The following HMCN1 variants were observed in gnomAD, a reference collection of about 807,000 sequenced individuals.
HMCN1 encodes hemicentin-1.
HMCN1 carries 321 observed loss-of-function variants against 625.9 expected under a neutral mutation model. That is an observed-to-expected ratio of 0.51 (90% confidence interval 0.47 to 0.56). The LOEUF (loss-of-function observed/expected upper bound fraction) is 0.56, where lower values mean the gene tolerates loss of function less well. Among genes scored for constraint, HMCN1 ranks in the 20% least tolerant of loss-of-function variants. HMCN1 has a pLI of 0.00. For missense variants in HMCN1, 6,588 were observed against 6,887.3 expected (o/e 0.96, Z 1.54); for synonymous variants, 2,425 against 2,417.6 (o/e 1.00, Z -0.09).
chr1:185,900,870 C>T (rs1665767106), intron 4 of HMCN1, among the ~76,000 whole-genome samples: 1 of 151,678 alleles, frequency 6.6e-6, no homozygotes, highest in Non-Finnish European at 1.5e-5. Flanking sequence ...ATGAAACTTG[C>T]CTAAAACTTG....
At chr1:186,123,431 A>G (rs1035330935) in intron 81 of HMCN1, among the ~76,000 whole-genome samples, 2 of 152,106 alleles carry the variant, frequency 1.3e-5, no homozygotes, top group East Asian at 3.9e-4. Context: ...AGAGAGAAAG[A>G]CAGATTTTAT....
intron 11 of HMCN1, among the ~76,000 whole-genome samples, chr1:185,953,021 GT>G (rs1161615279): frequency 2.6e-5 from 4 of 151,366 alleles, no homozygotes; most frequent in African/African-American, 9.8e-5. Flanking sequence ...GGATTGGGGG[GT>G]TTTTGCCCCC....
chr1:185,868,369 T>G (rs1663404271), intron 4 of HMCN1, among the ~76,000 whole-genome samples: 1 of 152,150 alleles, frequency 6.6e-6, no homozygotes, highest in Admixed American at 6.5e-5. Context: ...CAATCAGTTC[T>G]CATTTTACAT....
intron 4 of HMCN1, among the ~76,000 whole-genome samples, chr1:185,894,169 C>A (rs1326721048): frequency 6.7e-6 from 1 of 148,756 alleles, no homozygotes; most frequent in South Asian, 2.1e-4. Context: ...AAAAACAAAA[C>A]AAAAAAACAG....
intron 65 of HMCN1, 81 bp from the exon 66 acceptor site, chr1:186,093,405 A>C: frequency 1.3e-6 from 2 of 1,579,052 alleles, no homozygotes; most frequent in Non-Finnish European, 1.7e-6. Flanking sequence ...TTGAAATGAG[A>C]GCAATTGTAG....
chr1:186,055,689 G>A lies in HMCN1; in HGVS notation c.7144+15G>A. On this transcript the variant is annotated intron_variant, in intron 45 of 106. Coordinates refer to ENST00000271588, the MANE Select transcript of HMCN1 (RefSeq NM_031935.3). ...AAGTGTCCATGGTAAGTAGAAAGAG[G>A]CTCAATATGTCCATTCACTGGCTAA... The A allele has an allele frequency of 1.2e-6, 2 of 1,611,386 alleles. No homozygotes were observed. The highest frequency in any genetic ancestry group is 8.5e-7 in the Non-Finnish European group (1 of 1,178,088).
intron 102 of HMCN1, among the ~76,000 whole-genome samples, chr1:186,172,519 T>C (rs1248625750): frequency 3.3e-5 from 5 of 152,214 alleles, no homozygotes; most frequent in Non-Finnish European, 7.3e-5. Flanking sequence ...ATTTTGGAGA[T>C]GTATATTCCT....
intron 81 of HMCN1, among the ~76,000 whole-genome samples, chr1:186,125,106 CAT>C (rs1428625838): frequency 1.3e-5 from 2 of 152,012 alleles, no homozygotes; most frequent in Non-Finnish European, 2.9e-5. Flanking sequence ...TTCATTGTAA[CAT>C]GTAAAATACT....
chr1:186,152,637 ATTCAAG>A, intron 95 of HMCN1, 107 bp from the exon 96 acceptor site: 1 of 1,254,190 alleles, frequency 8.0e-7, no homozygotes, highest in East Asian at 2.3e-5. Context: ...ATCTATACTT[ATTCAAG>A]TTTGAACTCA....
intron 5 of HMCN1, among the ~76,000 whole-genome samples, chr1:185,910,934 G>A (rs1052739295): frequency 1.3e-5 from 2 of 152,176 alleles, no homozygotes; most frequent in African/African-American, 4.8e-5. Context: ...GTGAAAAACT[G>A]AACTGTGGCT....
chr1:185,842,401 A>G (rs977822675), intron 1 of HMCN1, among the ~76,000 whole-genome samples: 1 of 152,126 alleles, frequency 6.6e-6, no homozygotes, highest in Non-Finnish European at 1.5e-5. Flanking sequence ...GTCTCCAAAA[A>G]ATATGAAAAA....
intron 77 of HMCN1, among the ~76,000 whole-genome samples, chr1:186,118,361 T>C (rs1013583759): frequency 6.6e-6 from 1 of 152,196 alleles, no homozygotes; most frequent in African/African-American, 2.4e-5. Context: ...GTTCCCAGGA[T>C]GCAACTTGGC....
At chr1:186,139,034 A>G (rs970948930) in intron 89 of HMCN1, among the ~76,000 whole-genome samples, 1 of 152,244 alleles carries the variant, frequency 6.6e-6, no homozygotes, top group African/African-American at 2.4e-5. Context: ...ACTTGAAATG[A>G]TGGAGTACAA....
intron 30 of HMCN1, among the ~76,000 whole-genome samples, chr1:186,012,396 T>G (rs1302864577): frequency 6.6e-6 from 1 of 152,090 alleles, no homozygotes; most frequent in Admixed American, 6.6e-5. Flanking sequence ...CAGGTTTTTT[T>G]TGGTATTTTT....
At chr1:185,948,971 G>A (rs939945156) in intron 11 of HMCN1, among the ~76,000 whole-genome samples, 6 of 151,820 alleles carry the variant, frequency 4.0e-5, no homozygotes, top group African/African-American at 1.5e-4. Flanking sequence ...AGAATGATTG[G>A]TGATGGCCTG....
chr1:186,053,766 A>G, intron 43 of HMCN1, 59 bp from the exon 44 acceptor site: 4 of 1,542,150 alleles, frequency 2.6e-6, no homozygotes, highest in African/African-American at 1.4e-5. Flanking sequence ...ATACTTGGCA[A>G]TGTATACAAA....
In HMCN1 at chr1:186,055,454, G is replaced by C. The variant is rs200205219; in HGVS notation, c.6924G>C (p.Lys2308Asn). 15 of 1,612,686 alleles carry C rather than the reference G, an allele frequency of 9.3e-6. No homozygotes were observed. In the Admixed American group the frequency reaches 1.8e-4, roughly 20 times the overall value. Residue 2308 changes from lysine (K) to asparagine (N), a missense_variant, in exon 45 of 107, where the codon AAG becomes AAC. Coordinates refer to ENST00000271588, the MANE Select transcript of HMCN1 (RefSeq NM_031935.3). ...HPTEIIVTRG[K>N]SISLECEVQG... ...CTGAAATTATTGTGACCCGAGGGAA[G>C]AGTATCTCCTTGGAGTGTGAGGTGC...
chr1:186,156,339 C>A (rs965517254), intron 97 of HMCN1, among the ~76,000 whole-genome samples: 1 of 152,052 alleles, frequency 6.6e-6, no homozygotes, highest in Non-Finnish European at 1.5e-5. Context: ...TACAAAGGCG[C>A]TTCAAAATCA....
At position 185,734,555 on chromosome 1, in the gene HMCN1, C is replaced by A. The variant is rs1653410837; in HGVS notation, c.-225C>A. ...GGGCAGATAGCAGTCCAGGAGGAAG[C>A]CGCATCCAGACAAAAGCTGCCGCAT... On this transcript the variant is annotated 5_prime_UTR_variant, in exon 1 of 107. Transcript: ENST00000271588. 7 of 562,330 alleles carry A rather than the reference C, an allele frequency of 1.2e-5. No homozygotes were observed. Among genetic ancestry groups the A allele is most frequent in the Non-Finnish European group, 1.9e-5 (6 of 315,382 alleles). 34.8% of individuals were successfully genotyped at this position (562,330 alleles called of 1,614,324 possible). A position where few individuals can be genotyped will look rare whatever the true frequency, so the allele number is the denominator to read the frequency against.
Sources: gnomAD v4.1 joint callset for allele counts (sites outside exome capture counted in the v4.1 genomes callset) on GRCh38, gnomAD v4.1.1 for gene constraint, MANE v1.5 for transcripts, NCBI Gene and HGNC (gene_info 2026-07-23, HGNC 2026-07-21) for gene names.